C11orf58: variants seen among roughly 807,000 people sequenced by gnomAD.
C11orf58 encodes small acidic protein.
Under a neutral mutation model 22.7 loss-of-function variants are expected in C11orf58, and 5 were observed. The observed-to-expected ratio is 0.22, with a 90% CI of 0.12 to 0.46. C11orf58 has a LOEUF of 0.46. Ranked by LOEUF, C11orf58 falls within the 20% of genes least tolerant of loss-of-function variation. C11orf58 has a pLI of 0.99. For missense variants in C11orf58, 151 were observed against 223.3 expected, an observed-to-expected ratio of 0.68 and a Z score of 2.06; for synonymous variants, 71 against 70.7, an observed-to-expected ratio of 1.00 and a Z score of -0.02.
chr11:16,741,117 A>G (rs1408838716), intron 1 of C11orf58, among the ~76,000 whole-genome samples: 2 of 139,650 alleles, frequency 1.4e-5, no homozygotes, highest in Non-Finnish European at 3.1e-5. Flanking sequence ...AAAAAAATCT[A>G]GTTATAATAT....
At chr11:16,748,845 CATT>C (rs112901262) in intron 3 of C11orf58, among the ~76,000 whole-genome samples, 19 of 152,208 alleles carry the variant, frequency 1.2e-4, no homozygotes, top group Admixed American at 7.8e-4. Context: ...GAGTATATGT[CATT>C]ATGATATTCT....
At chr11:16,754,790 AC>A in intron 4 of C11orf58, 80 bp from the exon 5 acceptor site, 1 of 1,563,176 alleles carries the variant, frequency 6.4e-7, no homozygotes. Context: ...TGTTTCTAAG[AC>A]CGACAGAACT....
intron 2 of C11orf58, chr11:16,747,406 CA>C (rs1396214896): frequency 2.6e-5 from 4 of 152,118 alleles, no homozygotes; most frequent in Non-Finnish European, 2.9e-5. Flanking sequence ...TTTTAATGAG[CA>C]CTTATGAAAC....
intron 2 of C11orf58, chr11:16,747,568 T>A (rs1000550096): frequency 1.3e-5 from 2 of 152,272 alleles, no homozygotes; most frequent in Non-Finnish European, 2.9e-5. Context: ...AGATTAGTAG[T>A]TTATTGTCAA....
chr11:16,747,989 G>A, intron 2 of C11orf58, 108 bp from the exon 3 acceptor site: 1 of 806,384 alleles, frequency 1.2e-6, no homozygotes, highest in Non-Finnish European at 2.1e-6. Context: ...TTAATCTTTT[G>A]TCTTCACTGT....
chr11:16,750,057 T>G (rs1014146851), intron 3 of C11orf58: 1 of 152,204 alleles, frequency 6.6e-6, no homozygotes, highest in Non-Finnish European at 1.5e-5. Context: ...TTGGAGAGCT[T>G]CTTTGAAAAG....
chr11:16,742,529 C>T (rs1390465342), intron 1 of C11orf58, among the ~76,000 whole-genome samples: 1 of 151,940 alleles, frequency 6.6e-6, no homozygotes, highest in Non-Finnish European at 1.5e-5. Context: ...AGGGGGGTCA[C>T]ATGGAAAAAA....
chr11:16,739,421 C>T (rs552617916), intron 1 of C11orf58: 29 of 153,192 alleles, frequency 1.9e-4, no homozygotes, highest in Non-Finnish European at 3.6e-4. Flanking sequence ...CCTAGAAGCC[C>T]ATTTTGATGT....
rs1339643720 is a variant in C11orf58 at position 16,755,180 on chromosome 11, ACAGAC to A, written c.*78_*82del. 6.8e-7 allele frequency: 1 copy of A among 1,474,468 alleles called. No individual in the cohort carries two copies. Among genetic ancestry groups the A allele is most frequent in the Non-Finnish European group, 9.2e-7 (1 of 1,092,404 alleles). The allele number at this position is 1,474,468 out of a possible 1,614,324, so 91.3% of individuals were successfully genotyped here. On this transcript the variant is annotated 3_prime_UTR_variant, in exon 5 of 5. Transcript: ENST00000228136. ...CACAGTGGAGGACTGCTTATAGAGC[ACAGAC>A]CTTTGTATTATAATTTTTAAAAAGG...
intron 3 of C11orf58, chr11:16,751,807 A>G (rs1164889719): frequency 1.3e-5 from 2 of 152,204 alleles, no homozygotes; most frequent in Non-Finnish European, 2.9e-5. Context: ...TGGATTCACA[A>G]CCCATTTGTG....
Position 16,744,609 on chromosome 11 carries a change from T to A in C11orf58, c.72T>A (p.Ser24=). The A allele has an allele frequency of 6.2e-7, 1 of 1,613,856 alleles. No homozygotes were observed. The highest frequency in any genetic ancestry group is 8.5e-7 in the Non-Finnish European group (1 of 1,179,858). The change falls in exon 2 of 5, where the codon TCT becomes TCA. Residue 24 remains serine, a synonymous_variant. Transcript: ENST00000228136. ...RSASPDDDLG[S]SNWEAADLGN... is the part of the protein sequence containing the mutation. ...ACCAATTTTTTTTCTAGCTGGGATCTAGCAATTGGGAGGCAGCAGACTTGG... is the reference window on the plus strand; with the variant it reads ...ACCAATTTTTTTTCTAGCTGGGATCAAGCAATTGGGAGGCAGCAGACTTGG...
rs749832997 is a variant in C11orf58 at position 16,738,853 on chromosome 11, TGGC to T, written c.63+15_63+17del. On this transcript the variant is annotated intron_variant, in intron 1 of 4. Transcript: ENST00000228136. ...CCCCAGACGACGATGTAAATAATAA[TGGC>T]GGAGTGGCTGAGGGTTGAGGCCTAC... The T allele has an allele frequency of 6.2e-7, 1 of 1,613,828 alleles. No individual in the cohort carries two copies.
chr11:16,758,144 G>A lies in C11orf58; in HGVS notation c.*3040G>A, dbSNP rs949916904. ...CTTTATACCTGCTCTGTGTTAGGGC[G>A]TAGTCTGTTTCCACCTCTGTAAGTC... On this transcript the variant is annotated 3_prime_UTR_variant, in exon 5 of 5. Transcript: ENST00000228136. 7.2e-5 allele frequency among the ~76,000 whole-genome samples: 11 copies of A among 152,154 alleles called. No individual in the cohort carries two copies. The highest frequency in any genetic ancestry group is 1.7e-4 in the African/African-American group (7 of 41,422).
At position 16,755,856 on chromosome 11, in the gene C11orf58, T is replaced by C. The variant is rs1848572965; in HGVS notation, c.*752T>C. 6.6e-6 allele frequency: 1 copy of C among 152,592 alleles called. No individual in the cohort carries two copies. The highest frequency in any genetic ancestry group is 6.5e-5 in the Admixed American group (1 of 15,272). 9.5% of individuals were successfully genotyped at this position (152,592 alleles called of 1,614,324 possible). Reference sequence around the variant, plus strand: ...AAGTAATATGTGACCAAAGTTAATTTTGTCCCAAAGGTCTAAATAAAGAGC... The same window carrying C: ...AAGTAATATGTGACCAAAGTTAATTCTGTCCCAAAGGTCTAAATAAAGAGC... On this transcript the variant is annotated 3_prime_UTR_variant, in exon 5 of 5. Transcript: ENST00000228136.
chr11:16,755,212 C>T lies in C11orf58; in HGVS notation c.*108C>T. On this transcript the variant is annotated 3_prime_UTR_variant, in exon 5 of 5. Coordinates refer to ENST00000228136, the MANE Select transcript of C11orf58 (RefSeq NM_014267.6). ...TTTGTATTATAATTTTTAAAAAGGCCCTTTTAAATAATTACAAAGAGTGTT... is the reference window on the plus strand; with the variant it reads ...TTTGTATTATAATTTTTAAAAAGGCTCTTTTAAATAATTACAAAGAGTGTT... 3 of 1,286,356 alleles carry T rather than the reference C, an allele frequency of 2.3e-6. No individual in the cohort carries two copies. The highest frequency in any genetic ancestry group is 3.2e-6 in the Non-Finnish European group (3 of 938,380). 79.7% of individuals were successfully genotyped at this position (1,286,356 alleles called of 1,614,324 possible).
Position 16,744,606 on chromosome 11 carries a change from A to T in C11orf58, c.69A>T (p.Gly23=). 1 of 1,613,632 alleles carries T rather than the reference A, an allele frequency of 6.2e-7. No homozygotes were observed. The highest frequency in any genetic ancestry group is 8.5e-7 in the Non-Finnish European group (1 of 1,179,806). Residue 23 remains glycine (G), a synonymous_variant, in exon 2 of 5, where the codon GGA becomes GGT. Transcript: ENST00000228136. ...TCAACCAATTTTTTTTCTAGCTGGG[A>T]TCTAGCAATTGGGAGGCAGCAGACT... ...KRSASPDDDL[G]SSNWEAADLG...
At chr11:16,747,703 G>T (rs7951676) in intron 2 of C11orf58, 43,611 of 158,108 alleles carry the variant, frequency 0.28, 6,690 homozygotes, top group East Asian at 0.48. Flanking sequence ...CTCTCCATGA[G>T]ATATACTTGA....
intron 1 of C11orf58, among the ~76,000 whole-genome samples, chr11:16,744,050 TA>T (rs554214406): frequency 0.043 from 4,605 of 108,074 alleles, 174 homozygotes; most frequent in East Asian, 0.12. Flanking sequence ...CTAGAACTGC[TA>T]AAAAAAAAAA....
chr11:16,750,042 C>T (rs879530433), intron 3 of C11orf58: 8 of 152,108 alleles, frequency 5.3e-5, no homozygotes, highest in Admixed American at 4.6e-4. Flanking sequence ...AAAAAACAAA[C>T]GTCCTTGGAG....
Sources: gnomAD v4.1 joint callset for allele counts (sites outside exome capture counted in the v4.1 genomes callset) on GRCh38, gnomAD v4.1.1 for gene constraint, MANE v1.5 for transcripts, NCBI Gene and HGNC (gene_info 2026-07-23, HGNC 2026-07-21) for gene names.